The following RP1 variants were observed in gnomAD, a reference collection of about 807,000 sequenced individuals.
The protein encoded by RP1 is RP1 axonemal microtubule associated.
A neutral mutation model predicts 14.8 loss-of-function variants in RP1; 16 were observed. That is an observed-to-expected ratio of 1.08 (90% CI 0.73 to 1.65). The LOEUF is 1.65. Among genes scored for constraint, RP1 ranks in the 40% most tolerant of loss-of-function variants. The pLI, the probability that RP1 is intolerant of heterozygous loss-of-function variation, is 0.00. For missense variants in RP1, 2,631 were observed against 2,535.0 expected, an observed-to-expected ratio of 1.04 and a Z score of -0.81; for synonymous variants, 876 against 883.6, an observed-to-expected ratio of 0.99 and a Z score of 0.15.
chr8:54,632,156 T>TA (rs1221066181), downstream of RP1, among the ~76,000 whole-genome samples: 11 of 151,668 alleles, frequency 7.3e-5, no homozygotes, highest in Middle Eastern at 3.4e-3. Flanking sequence ...ATAAGATATT[T>TA]AAAAAAAAAT....
At chr8:54,696,374 CT>C in intron 12 of RP1, 1 of 595,736 alleles carries the variant, frequency 1.7e-6, no homozygotes, top group East Asian at 2.8e-5. Context: ...TTTAGAAAAT[CT>C]AACTTTGTGC....
intron 24 of RP1, among the ~76,000 whole-genome samples, chr8:54,810,037 T>C (rs1444759475): frequency 6.6e-6 from 1 of 152,214 alleles, no homozygotes; most frequent in African/African-American, 2.4e-5. Flanking sequence ...CCTATGTGTC[T>C]AGAGCACATA....
At chr8:54,843,079 G>C (rs1811825676) in intron 25 of RP1, among the ~76,000 whole-genome samples, 1 of 152,140 alleles carries the variant, frequency 6.6e-6, no homozygotes, top group Non-Finnish European at 1.5e-5. Flanking sequence ...GTGTGAGACA[G>C]AGTGTTGCCC....
rs76331695 is a variant in RP1, at chr8:54,573,935, C to T, written c.-13+14615C>T. ...TCAAGAGGGGAGCAGGGCCATTTGA[C>T]TCAAGTCCTGAGCTTTCAGAAGACT... On this transcript the variant is annotated intron_variant, in intron 1 of 22. Coordinates refer to the RP1 transcript ENST00000636932. Among the ~76,000 whole-genome samples, 1,218 of 152,304 alleles carry T rather than the reference C, an allele frequency of 8.0e-3. 9 individuals are homozygous for T. The highest frequency in any genetic ancestry group is 0.027 in the African/African-American group (1,133 of 41,566).
intron 1 of RP1, among the ~76,000 whole-genome samples, chr8:54,574,245 C>T (rs2129294136): frequency 6.6e-6 from 1 of 152,246 alleles, no homozygotes; most frequent in South Asian, 2.1e-4. Context: ...ATCATGATAA[C>T]AGGGAGGCTC....
chr8:54,736,221 A>G (rs1398257637), intron 18 of RP1, among the ~76,000 whole-genome samples: 1 of 152,066 alleles, frequency 6.6e-6, no homozygotes, highest in Non-Finnish European at 1.5e-5. Context: ...ATCTTTATGT[A>G]TAGAATACAG....
At chr8:54,849,230 A>T (rs1050865871) in intron 25 of RP1, among the ~76,000 whole-genome samples, 11 of 151,306 alleles carry the variant, frequency 7.3e-5, no homozygotes, top group African/African-American at 2.4e-4. Flanking sequence ...TATATAAATT[A>T]AAAAAAAATA....
At chr8:54,598,843 TC>T (rs897796915) in intron 1 of RP1, among the ~76,000 whole-genome samples, 1 of 152,224 alleles carries the variant, frequency 6.6e-6, no homozygotes, top group African/African-American at 2.4e-5. Context: ...TTGAATTGTT[TC>T]CCCCTTTTCC....
At chr8:54,803,250 T>C (rs1284087316) in intron 24 of RP1, among the ~76,000 whole-genome samples, 2 of 152,224 alleles carry the variant, frequency 1.3e-5, no homozygotes, top group Non-Finnish European at 2.9e-5. Flanking sequence ...ACTGGGACTC[T>C]ATATGAACAT....
chr8:54,618,142 G>A (rs1437840839), intron 1 of RP1, among the ~76,000 whole-genome samples: 3 of 152,132 alleles, frequency 2.0e-5, no homozygotes, highest in African/African-American at 7.2e-5. Flanking sequence ...TGGCAACCAC[G>A]TGTTGGATGC....
chr8:54,562,516 A>G (rs1438317256), intron 1 of RP1, among the ~76,000 whole-genome samples: 1 of 152,126 alleles, frequency 6.6e-6, no homozygotes, highest in Non-Finnish European at 1.5e-5. Flanking sequence ...GCTACTAAAA[A>G]TACAAAAATT....
intron 15 of RP1, among the ~76,000 whole-genome samples, chr8:54,715,854 C>T (rs1185983773): frequency 6.6e-5 from 10 of 152,186 alleles, no homozygotes; most frequent in Non-Finnish European, 1.2e-4. Flanking sequence ...GCTCCCTGCT[C>T]TCAGGAAACT....
intron 23 of RP1, among the ~76,000 whole-genome samples, chr8:54,780,668 G>A (rs1391098887): frequency 6.6e-6 from 1 of 152,152 alleles, no homozygotes; most frequent in African/African-American, 2.4e-5. Context: ...CATTTATATA[G>A]TATTAGGTAT....
In RP1 at chr8:54,809,419, G is replaced by T. The variant is rs527795767; in HGVS notation, c.3615+25709G>T. 2.0e-4 allele frequency among the ~76,000 whole-genome samples: 31 copies of T among 152,280 alleles called. 1 individual carries two copies. In the South Asian group the frequency reaches 6.2e-3, roughly 31 times the overall value. On this transcript the variant is annotated intron_variant, in intron 24 of 28. Transcript: ENST00000637698. The stretch of plus-strand genomic sequence containing the variant: ...GCCTAGTGAGATAGTATCAGCAATG[G>T]GGGTTCAGTGGCAGAGATGGAGTCG...
chr8:54,783,558 A>G (rs976495936), exon 24 of RP1: 4 of 1,230,982 alleles, frequency 3.2e-6, no homozygotes, highest in Non-Finnish European at 4.1e-6. Flanking sequence ...TGGAGACTGG[A>G]AGGTGACCAT....
intron 19 of RP1, among the ~76,000 whole-genome samples, chr8:54,744,943 A>G (rs1270731531): frequency 6.6e-6 from 1 of 152,156 alleles, no homozygotes; most frequent in African/African-American, 2.4e-5. Flanking sequence ...GGTGGGAGAG[A>G]GCACATCAAG....
intron 25 of RP1, among the ~76,000 whole-genome samples, chr8:54,843,323 C>T (rs1465529600): frequency 6.6e-6 from 1 of 152,182 alleles, no homozygotes. Flanking sequence ...CTCAGGTGAT[C>T]CACCCGCTTC....
intron 15 of RP1, among the ~76,000 whole-genome samples, chr8:54,712,779 C>G (rs1409855127): frequency 6.6e-6 from 1 of 152,152 alleles, no homozygotes; most frequent in Non-Finnish European, 1.5e-5. Flanking sequence ...ACTCAAAATG[C>G]CTGTGCTTCC....
chr8:54,797,946 G>T (rs1810615031), intron 24 of RP1, among the ~76,000 whole-genome samples: 1 of 138,624 alleles, frequency 7.2e-6, no homozygotes, highest in African/African-American at 2.8e-5. Context: ...GGTGATTTTA[G>T]ACACATGTCA....
Sources: gnomAD v4.1 joint callset for allele counts (sites outside exome capture counted in the v4.1 genomes callset) on GRCh38, gnomAD v4.1.1 for gene constraint, MANE v1.5 for transcripts, NCBI Gene and HGNC (gene_info 2026-07-23, HGNC 2026-07-21) for gene names.